Variants in COPS3 observed in about 807,000 individuals in gnomAD.
The protein encoded by COPS3 is COP9 signalosome complex subunit 3.
In COPS3, 10 loss-of-function variants were observed where a neutral mutation model predicts 58.2. That is an observed-to-expected ratio of 0.17 (90% CI 0.11 to 0.29). The LOEUF (loss-of-function observed/expected upper bound fraction) is 0.29, where lower values mean the gene tolerates loss of function less well. Ranked by LOEUF, COPS3 falls within the 10% of genes least tolerant of loss-of-function variation. The probability of loss-of-function intolerance (pLI) is 1.00; values close to 1 mark genes in which losing one functional copy is unlikely to be tolerated. For missense variants in COPS3, 333 were observed against 510.1 expected (o/e 0.65, Z 3.34); for synonymous variants, 187 against 181.7 (o/e 1.03, Z -0.24).
intron 8 of COPS3, among the ~76,000 whole-genome samples, chr17:17,257,535 T>C (rs2048002810): frequency 6.6e-6 from 1 of 151,728 alleles, no homozygotes; most frequent in African/African-American, 2.4e-5. Context: ...TGGTGGCTCA[T>C]GCTTGTAATC....
In COPS3 at chr17:17,254,765, GTGCCAC is replaced by G. The variant is rs543679640; in HGVS notation, c.1023+88_1023+93del. On this transcript the variant is annotated intron_variant, in intron 9 of 11. Transcript: ENST00000268717. ...GTGGAGGTTGCAGTGAGCCAAGACT[GTGCCAC>G]TACACTCCAGCCTGGTGACAGAGCG... 5.0e-4 allele frequency: 364 copies of G among 724,506 alleles called. 5 individuals carry two copies. In the South Asian group the frequency reaches 6.5e-3, roughly 13 times the overall value. The allele number at this position is 724,506 out of a possible 1,614,324, so 44.9% of individuals were successfully genotyped here.
chr17:17,250,775 A>G (rs1241151165), intron 9 of COPS3, among the ~76,000 whole-genome samples: 1 of 152,202 alleles, frequency 6.6e-6, no homozygotes, highest in Non-Finnish European at 1.5e-5. Context: ...CTGCTGGCCT[A>G]CTTGTCTCTA....
intron 9 of COPS3, among the ~76,000 whole-genome samples, chr17:17,252,119 G>A (rs2047859921): frequency 6.6e-6 from 1 of 152,082 alleles, no homozygotes; most frequent in South Asian, 2.1e-4. Context: ...GCACAGGGCT[G>A]GAAGCAGACA....
intron 1 of COPS3, among the ~76,000 whole-genome samples, chr17:17,277,050 C>T (rs577971206): frequency 3.3e-5 from 5 of 152,288 alleles, no homozygotes; most frequent in South Asian, 2.1e-4. Context: ...ACCTACTCTT[C>T]GATCACAGCA....
chr17:17,258,168 C>A (rs1489662851), intron 8 of COPS3, among the ~76,000 whole-genome samples: 1 of 152,194 alleles, frequency 6.6e-6, no homozygotes, highest in Non-Finnish European at 1.5e-5. Flanking sequence ...GCAGGCAGTG[C>A]TTGTGAGCTC....
Position 17,261,979 on chromosome 17 carries a change from C to T in COPS3, c.749G>A (p.Gly250Asp). Residue 250 changes from glycine (G) to aspartate (D), a missense_variant, in exon 7 of 12, where the codon GGT becomes GAT. By Grantham distance (94) the Gly-to-Asp change is moderately conservative. Transcript: ENST00000268717. ...TAAAAAACTTACCTTAATGAATCTA[C>T]CCACAATTTGAGATGTATATTTTGG... is the stretch of plus-strand genomic sequence containing the variant. ...QLPKYTSQIVGRFIKPLSNAY... is the reference protein window; with the variant it reads ...QLPKYTSQIVDRFIKPLSNAY... The T allele has an allele frequency of 6.3e-7, 1 of 1,587,706 alleles. No homozygotes were observed.
intron 6 of COPS3, among the ~76,000 whole-genome samples, chr17:17,263,325 T>C (rs62066066): frequency 0.71 from 105,659 of 149,772 alleles, 37,490 homozygotes; most frequent in East Asian, 0.85. Flanking sequence ...CTCAGTCTCC[T>C]GAGTAGCTGG....
At chr17:17,265,243 C>A (rs751494969) in intron 5 of COPS3, among the ~76,000 whole-genome samples, 2 of 152,144 alleles carry the variant, frequency 1.3e-5, no homozygotes, top group Non-Finnish European at 2.9e-5. Context: ...AATCCAATTG[C>A]TCCAATGAGC....
intron 8 of COPS3, among the ~76,000 whole-genome samples, chr17:17,256,927 A>G (rs756217585): frequency 6.6e-5 from 10 of 152,136 alleles, no homozygotes; most frequent in African/African-American, 7.2e-5. Context: ...TAAAACCTAC[A>G]TATACTTTAG....
At chr17:17,268,549 G>A (rs182973747) in intron 4 of COPS3, among the ~76,000 whole-genome samples, 37 of 152,252 alleles carry the variant, frequency 2.4e-4, no homozygotes, top group African/African-American at 5.5e-4. Context: ...TGCTGGGCAC[G>A]GTGGCTCACA....
chr17:17,263,300 AAG>A (rs1383282472), intron 6 of COPS3, among the ~76,000 whole-genome samples: 1 of 150,756 alleles, frequency 6.6e-6, no homozygotes, highest in African/African-American at 2.4e-5. Flanking sequence ...AAAAAAAAAA[AAG>A]AGATTCTCCT....
At position 17,254,814 on chromosome 17, in the gene COPS3, G is replaced by GAAAAAAA. The variant is rs71152853; in HGVS notation, c.1023+38_1023+44dup. On this transcript the variant is annotated intron_variant, in intron 9 of 11. Transcript: ENST00000268717. The stretch of plus-strand genomic sequence containing the variant: ...ACAGAGCGAGACTCCATCTCAAAAA[G>GAAAAAAA]AAAAAAAAAAAAAAAAAAGAAAAAG... 3,550 of 816,738 alleles carry GAAAAAAA rather than the reference G, an allele frequency of 4.3e-3. 15 individuals are homozygous for GAAAAAAA. The highest frequency in any genetic ancestry group is 0.013 in the South Asian group (684 of 53,102). 50.6% of individuals were successfully genotyped at this position (816,738 alleles called of 1,614,324 possible). A position where few individuals can be genotyped will look rare whatever the true frequency, so the allele number is the denominator to read the frequency against.
intron 2 of COPS3, among the ~76,000 whole-genome samples, chr17:17,271,909 T>C (rs889403616): frequency 1.1e-4 from 9 of 84,366 alleles, no homozygotes; most frequent in East Asian, 6.0e-4. Context: ...AATAAACATG[T>C]ATATATTAAA....
At chr17:17,280,361 C>T (rs565122898) in intron 1 of COPS3, among the ~76,000 whole-genome samples, 2 of 151,780 alleles carry the variant, frequency 1.3e-5, no homozygotes, top group Admixed American at 1.3e-4. Context: ...CGAGACCGCG[C>T]CACTGCACTC....
chr17:17,270,628 G>T, intron 4 of COPS3, 130 bp downstream of exon 4: 1 of 808,858 alleles, frequency 1.2e-6, no homozygotes, highest in Non-Finnish European at 2.0e-6. Flanking sequence ...GGCTGTGAGT[G>T]CTCTCAAGTG....
intron 8 of COPS3, chr17:17,255,172 C>A: frequency 3.3e-6 from 1 of 305,968 alleles, no homozygotes; most frequent in Non-Finnish European, 6.1e-6. Flanking sequence ...TGGTGGTGCA[C>A]GCCTGTAGTC....
intron 5 of COPS3, 82 bp from the exon 6 acceptor site, chr17:17,265,063 G>C: frequency 8.1e-7 from 1 of 1,233,058 alleles, no homozygotes; most frequent in Non-Finnish European, 1.1e-6. Context: ...ATTGATTCCA[G>C]AAATTTCCAA....
rs754353492 is a variant in COPS3 at position 17,262,084 on chromosome 17, G to A, written c.644C>T (p.Ala215Val). ...YEQAITTPAM[A>V]VSHIMLESYK... ...TGATTCCAACATGATATGACTGACC[G>A]CCATGGCAGGAGTAGTTATAGCCTA... The change falls in exon 7 of 12, where the codon GCG becomes GTG. Residue 215 changes from alanine (A) to valine (V), a missense_variant. By Grantham distance (64) the Ala-to-Val change is moderately conservative. Transcript: ENST00000268717. 16 of 1,610,110 alleles carry A rather than the reference G, an allele frequency of 9.9e-6. No individual in the cohort carries two copies. The Admixed American group carries it at 1.4e-4, about 14-fold the overall frequency.
chr17:17,252,423 G>A (rs144379827), intron 9 of COPS3, among the ~76,000 whole-genome samples: 3,774 of 149,744 alleles, frequency 0.025, 96 homozygotes, highest in African/African-American at 0.052. Context: ...TTTGGTGTGT[G>A]GGCTGTCCTG....
Sources: allele counts gnomAD v4.1 joint callset (sites outside exome capture counted in the v4.1 genomes callset), GRCh38; gene constraint gnomAD v4.1.1; transcripts MANE v1.5; gene names NCBI Gene and HGNC (gene_info 2026-07-23, HGNC 2026-07-21).